The following SRPK1 variants were observed in gnomAD, a reference collection of about 807,000 sequenced individuals.
The protein encoded by SRPK1 is SFRS protein kinase 1.
A neutral mutation model predicts 89.5 loss-of-function variants in SRPK1; 52 were observed. That is an observed-to-expected ratio of 0.58 (90% confidence interval 0.46 to 0.73). The LOEUF (loss-of-function observed/expected upper bound fraction) is 0.73. Ranked by LOEUF, SRPK1 falls within the 30% of genes least tolerant of loss-of-function variation. The pLI, the probability that SRPK1 is intolerant of heterozygous loss-of-function variation, is 0.00. For synonymous variants in SRPK1, 255 were observed against 270.2 expected (o/e 0.94, Z 0.55); for missense variants, 603 against 780.6 (o/e 0.77, Z 2.71).
At chr6:35,842,301 C>A (rs1207065506) in intron 14 of SRPK1, among the ~76,000 whole-genome samples, 1 of 152,180 alleles carries the variant, frequency 6.6e-6, no homozygotes, top group Non-Finnish European at 1.5e-5. Flanking sequence ...AATTGTCCAG[C>A]ACACAGAAGT....
At chr6:35,909,570 A>G (rs1435705826) in intron 2 of SRPK1, among the ~76,000 whole-genome samples, 1 of 152,198 alleles carries the variant, frequency 6.6e-6, no homozygotes, top group Non-Finnish European at 1.5e-5. Context: ...TGTGAGGACA[A>G]GAGATCTGGG....
At position 35,857,284 on chromosome 6, in the gene SRPK1, C is replaced by A; in HGVS notation, c.1597G>T (p.Asp533Tyr). The change falls in exon 13 of 16, where the codon GAC becomes TAC. Residue 533 changes from aspartate (D) to tyrosine (Y), a missense_variant. Coordinates refer to ENST00000373825, the MANE Select transcript of SRPK1 (RefSeq NM_003137.5). ...ACCATGCATGCCGTGCTCCAAATGTCAGCAGGGGTATTATAGCCAGATCCG... is the reference window on the plus strand; with the variant it reads ...ACCATGCATGCCGTGCTCCAAATGTAAGCAGGGGTATTATAGCCAGATCCG... ...LIGSGYNTPA[D>Y]IWSTACMAFE... The A allele has an allele frequency of 6.2e-7, 1 of 1,612,934 alleles. No individual in the cohort carries two copies. Among genetic ancestry groups the A allele is most frequent in the South Asian group, 1.1e-5 (1 of 90,768 alleles).
intron 12 of SRPK1, among the ~76,000 whole-genome samples, chr6:35,866,557 G>C (rs1044509987): frequency 2.0e-5 from 3 of 152,110 alleles, no homozygotes; most frequent in African/African-American, 7.2e-5. Context: ...CTGCACTCCA[G>C]CCTGGGCAAT....
chr6:35,866,472 C>T lies in SRPK1; in HGVS notation c.1512+2538G>A, dbSNP rs529290320. On this transcript the variant is annotated intron_variant, in intron 12 of 15. Transcript: ENST00000373825. ...TGGCGGCACGTGCCTGTAGTCCCAG[C>T]TACGCGGGAAGGGTGAGGCAGGAGA... 1.5e-3 allele frequency among the ~76,000 whole-genome samples: 221 copies of T among 152,116 alleles called. 3 individuals carry two copies. Among genetic ancestry groups the T allele is most frequent in the African/African-American group, 4.9e-3 (205 of 41,508 alleles).
At chr6:35,893,463 C>T (rs577181932) in intron 2 of SRPK1, among the ~76,000 whole-genome samples, 4 of 148,730 alleles carry the variant, frequency 2.7e-5, no homozygotes, top group Admixed American at 2.0e-4. Context: ...CCAGCATGGG[C>T]GACAGAGCAA....
At position 35,889,524 on chromosome 6, in the gene SRPK1, G is replaced by A. The variant is rs1389097264; in HGVS notation, c.194-601C>T. On this transcript the variant is annotated intron_variant, in intron 3 of 15. Coordinates refer to ENST00000373825, the MANE Select transcript of SRPK1 (RefSeq NM_003137.5). ...TAAGGCTGGGCATGGTGGCTCACGC[G>A]TGTAATCCCAGCACTTTGGGAGGCC... is the stretch of plus-strand genomic sequence containing the variant. Among the ~76,000 whole-genome samples the A allele has an allele frequency of 9.3e-5, 14 of 151,198 alleles. 1 individual carries two copies. Among genetic ancestry groups the A allele is most frequent in the Admixed American group, 9.2e-4 (14 of 15,202 alleles).
chr6:35,858,265 A>T (rs1769706390), intron 12 of SRPK1, among the ~76,000 whole-genome samples: 1 of 152,108 alleles, frequency 6.6e-6, no homozygotes, highest in Non-Finnish European at 1.5e-5. Flanking sequence ...TGAAGTACAT[A>T]CTAGACATTT....
At chr6:35,882,974 A>G (rs1770327594) in intron 6 of SRPK1, among the ~76,000 whole-genome samples, 1 of 152,068 alleles carries the variant, frequency 6.6e-6, no homozygotes, top group Non-Finnish European at 1.5e-5. Flanking sequence ...ACGCCTCGCT[A>G]ATTTTTGTAT....
At chr6:35,838,613 C>T in intron 14 of SRPK1, 184 bp from the exon 15 acceptor site, 1 of 1,544,120 alleles carries the variant, frequency 6.5e-7, no homozygotes, top group South Asian at 1.2e-5. Flanking sequence ...TTCACAAAGT[C>T]AAATTTTTGT....
chr6:35,920,690 G>T, intron 1 of SRPK1, 162 bp from the exon 2 acceptor site: 1 of 313,540 alleles, frequency 3.2e-6, no homozygotes. Flanking sequence ...GCGGCCCACG[G>T]GGCGCAGAGC....
At chr6:35,868,976 A>AC (rs1769968620) in intron 12 of SRPK1, 34 bp downstream of exon 12, 2 of 1,548,612 alleles carry the variant, frequency 1.3e-6, no homozygotes, top group African/African-American at 2.7e-5. Context: ...CCTCCCAGTC[A>AC]CTTCAAAACA....
At chr6:35,912,135 G>A (rs1770982023) in intron 2 of SRPK1, among the ~76,000 whole-genome samples, 1 of 151,804 alleles carries the variant, frequency 6.6e-6, no homozygotes, top group South Asian at 2.1e-4. Flanking sequence ...AGAATTCAAG[G>A]CCAGCTTGAG....
At chr6:35,917,023 G>A (rs1382054695) in intron 2 of SRPK1, among the ~76,000 whole-genome samples, 2 of 152,092 alleles carry the variant, frequency 1.3e-5, no homozygotes, top group Admixed American at 6.6e-5. Context: ...ATGCGCCACT[G>A]CACTCCAGCC....
chr6:35,918,525 G>A (rs1691437405), intron 2 of SRPK1, among the ~76,000 whole-genome samples: 1 of 151,836 alleles, frequency 6.6e-6, no homozygotes, highest in South Asian at 2.1e-4. Context: ...AAAAAAGGTA[G>A]GTAAATTCAA....
chr6:35,888,975 G>A, intron 3 of SRPK1, 52 bp from the exon 4 acceptor site: 3 of 1,230,680 alleles, frequency 2.4e-6, no homozygotes, highest in Admixed American at 1.7e-5. Context: ...AGAAACAATG[G>A]TAAGAAAAGG....
At chr6:35,886,678 T>C (rs1407704407) in intron 6 of SRPK1, 46 bp downstream of exon 6, 2 of 1,186,430 alleles carry the variant, frequency 1.7e-6, no homozygotes, top group Admixed American at 1.9e-5. Flanking sequence ...GTTCCTTTCT[T>C]TGGGATTGGG....
intron 3 of SRPK1, 43 bp from the exon 4 acceptor site, chr6:35,888,966 G>GAAAC: frequency 7.4e-7 from 1 of 1,353,420 alleles, no homozygotes; most frequent in Non-Finnish European, 1.1e-6. Context: ...ACCAGGATGA[G>GAAAC]AAACAATGGT....
At chr6:35,864,773 A>T (rs1486961901) in intron 12 of SRPK1, among the ~76,000 whole-genome samples, 1 of 152,238 alleles carries the variant, frequency 6.6e-6, no homozygotes, top group African/African-American at 2.4e-5. Context: ...ACAATATTTA[A>T]GATTTGGAAG....
chr6:35,839,637 C>T (rs114742444), intron 14 of SRPK1, among the ~76,000 whole-genome samples: 3,113 of 137,606 alleles, frequency 0.023, 118 homozygotes, highest in African/African-American at 0.077. Flanking sequence ...ACTGCCCCCC[C>T]CCTTTTTTTT....
Sources: allele counts gnomAD v4.1 joint callset (sites outside exome capture counted in the v4.1 genomes callset), GRCh38; gene constraint gnomAD v4.1.1; transcripts MANE v1.5; gene names NCBI Gene and HGNC (gene_info 2026-07-23, HGNC 2026-07-21).